The following BLTP3A variants were observed in gnomAD, a reference collection of about 807,000 sequenced individuals.
BLTP3A encodes the protein ICBP90 binding protein 1.
At chr6:34,869,699 G>A in the BLTP3A span, among the ~76,000 whole-genome samples, 58 of 134,098 alleles carry the variant, frequency 4.3e-4, no homozygotes, top group Non-Finnish European at 6.0e-4. Flanking sequence ...TGCCCAGGCC[G>A]GAGTGCAGTG....
chr6:34,834,965 G>T, the BLTP3A span: 1 of 1,395,632 alleles, frequency 7.2e-7, no homozygotes. Flanking sequence ...GCCCTGGAAT[G>T]ACAGTTGAAG....
At chr6:34,850,739 C>T in the BLTP3A span, among the ~76,000 whole-genome samples, 1 of 152,158 alleles carries the variant, frequency 6.6e-6, no homozygotes, top group Non-Finnish European at 1.5e-5. Context: ...CTCTGTTGCC[C>T]AGGCTGGAGT....
chr6:34,808,364 A>AAAAAAAAAAAAC, the BLTP3A span, among the ~76,000 whole-genome samples: 1 of 150,866 alleles, frequency 6.6e-6, no homozygotes, highest in Non-Finnish European at 1.5e-5. Context: ...AAAAAAAAAA[A>AAAAAAAAAAAAC]AAAAAAGAAT....
the BLTP3A span, among the ~76,000 whole-genome samples, chr6:34,847,501 G>A: frequency 6.6e-6 from 1 of 151,806 alleles, no homozygotes; most frequent in African/African-American, 2.4e-5. Context: ...TTATCTATTC[G>A]GGTTTTGGAT....
At chr6:34,818,761 G>A in the BLTP3A span, among the ~76,000 whole-genome samples, 43 of 152,134 alleles carry the variant, frequency 2.8e-4, no homozygotes, top group Admixed American at 9.2e-4. Flanking sequence ...ATATCATACG[G>A]TATTGTTTTG....
chr6:34,838,993 A>G, the BLTP3A span, among the ~76,000 whole-genome samples: 12 of 152,246 alleles, frequency 7.9e-5, no homozygotes, highest in Admixed American at 3.3e-4. Context: ...GCTCATGCCT[A>G]TAATCCCAGC....
the BLTP3A span, among the ~76,000 whole-genome samples, chr6:34,796,464 A>C: frequency 6.6e-6 from 1 of 152,230 alleles, no homozygotes; most frequent in African/African-American, 2.4e-5. Context: ...CTGCTGCTCA[A>C]TGCAAATAGC....
chr6:34,801,796 ACTGCAAGCT>A, the BLTP3A span, among the ~76,000 whole-genome samples: 1 of 152,032 alleles, frequency 6.6e-6, no homozygotes, highest in Admixed American at 6.6e-5. Context: ...ATCTCCGCTC[ACTGCAAGCT>A]CTGGCTCACT....
At chr6:34,829,265 CCCTGCCTTAGCCCTAGG>C in the BLTP3A span, among the ~76,000 whole-genome samples, 1 of 152,114 alleles carries the variant, frequency 6.6e-6, no homozygotes, top group African/African-American at 2.4e-5. Context: ...CCTCGTTCTT[CCCTGCCTTAGCCCTAGG>C]CAACCACTCA....
chr6:34,823,698 A>G, the BLTP3A span, among the ~76,000 whole-genome samples: 1 of 151,650 alleles, frequency 6.6e-6, no homozygotes, highest in East Asian at 1.9e-4. Context: ...GCACATCACC[A>G]TGCCTGGCTA....
the BLTP3A span, chr6:34,856,876 CG>C: frequency 6.2e-7 from 1 of 1,614,194 alleles, no homozygotes; most frequent in Non-Finnish European, 8.5e-7. Flanking sequence ...AGCATGGAAC[CG>C]CTTACGCTCT....
the BLTP3A span, among the ~76,000 whole-genome samples, chr6:34,865,820 T>G: frequency 6.6e-6 from 1 of 152,238 alleles, no homozygotes; most frequent in Admixed American, 6.5e-5. Flanking sequence ...TTTGTTATTA[T>G]TTTTAACTTC....
chr6:34,809,668 C>T, the BLTP3A span, among the ~76,000 whole-genome samples: 2 of 152,034 alleles, frequency 1.3e-5, no homozygotes, highest in African/African-American at 4.8e-5. Flanking sequence ...CGGGTTCAAG[C>T]GATTCTCCTG....
At chr6:34,856,464 TTGAA>T in the BLTP3A span, 1 of 1,573,254 alleles carries the variant, frequency 6.4e-7, no homozygotes, top group Non-Finnish European at 8.6e-7. Context: ...CCATTTATCT[TTGAA>T]TAACAGTGGA....
chr6:34,877,055 C>G, the BLTP3A span: 1 of 152,568 alleles, frequency 6.6e-6, no homozygotes, highest in Non-Finnish European at 1.5e-5. Context: ...AAGATTTAGC[C>G]TGAGTCTTAA....
chr6:34,876,635 A>G, the BLTP3A span: 2 of 152,194 alleles, frequency 1.3e-5, no homozygotes, highest in African/African-American at 4.8e-5. Flanking sequence ...TGAGAACAGT[A>G]AAAGGTGTGT....
the BLTP3A span, among the ~76,000 whole-genome samples, chr6:34,812,999 G>C: frequency 7.2e-5 from 11 of 152,214 alleles, no homozygotes; most frequent in South Asian, 2.1e-4. Context: ...TGGGTAGGAA[G>C]CTTAGAAGCC....
the BLTP3A span, among the ~76,000 whole-genome samples, chr6:34,852,413 C>T: frequency 1.3e-5 from 2 of 152,182 alleles, no homozygotes; most frequent in Admixed American, 6.5e-5. Context: ...TCTGTTGTAT[C>T]TAGAAATGTC....
At chr6:34,858,554 G>T in the BLTP3A span, 1 of 1,614,088 alleles carries the variant, frequency 6.2e-7, no homozygotes, top group Non-Finnish European at 8.5e-7. Flanking sequence ...CTACCCCTCC[G>T]CTGGCAGCAA....
Sources: allele counts gnomAD v4.1 joint callset (sites outside exome capture counted in the v4.1 genomes callset), GRCh38; gene constraint gnomAD v4.1.1; transcripts MANE v1.5; gene names NCBI Gene and HGNC (gene_info 2026-07-23, HGNC 2026-07-21).